LRP1B: variants seen among roughly 807,000 people sequenced by gnomAD.
The protein encoded by LRP1B is low-density lipoprotein receptor-related protein 1B.
In LRP1B, 217 loss-of-function variants were observed where a neutral mutation model predicts 556.6. The ratio of observed to expected loss-of-function variants is 0.39; its 90% CI spans 0.35 to 0.44. The LOEUF (loss-of-function observed/expected upper bound fraction) is 0.44, where lower values mean the gene tolerates loss of function less well. LRP1B is among the 20% of genes least tolerant of loss of function. The pLI is 1.00. For synonymous variants in LRP1B, 2,047 were observed against 1,865.8 expected, an observed-to-expected ratio of 1.10 and a Z score of -2.50; for missense variants, 5,053 against 5,620.8, an observed-to-expected ratio of 0.90 and a Z score of 3.23.
intron 32 of LRP1B, among the ~76,000 whole-genome samples, chr2:140,777,074 G>A (rs1005930803): frequency 1.3e-5 from 2 of 152,042 alleles, no homozygotes; most frequent in Admixed American, 6.6e-5. Context: ...AACATTTAAG[G>A]CAATGCAGTA....
chr2:140,904,690 G>C (rs1045197344), intron 22 of LRP1B, among the ~76,000 whole-genome samples: 3 of 152,032 alleles, frequency 2.0e-5, no homozygotes, highest in African/African-American at 7.2e-5. Flanking sequence ...AAAAAAAATA[G>C]ATTCAGCTCT....
chr2:141,739,122 A>C (rs1307724422), intron 2 of LRP1B, among the ~76,000 whole-genome samples: 2 of 152,150 alleles, frequency 1.3e-5, no homozygotes, highest in African/African-American at 4.8e-5. Flanking sequence ...TGGAGAAAAT[A>C]AAAACCTTAG....
chr2:141,649,902 A>G (rs747646473), intron 2 of LRP1B, among the ~76,000 whole-genome samples: 1 of 152,236 alleles, frequency 6.6e-6, no homozygotes, highest in Non-Finnish European at 1.5e-5. Flanking sequence ...AGTTGGGGCC[A>G]GGAGCAGTGG....
Position 141,397,336 on chromosome 2 carries a change from T to C in LRP1B, c.343+83060A>G, listed in dbSNP as rs372785336. Among the ~76,000 whole-genome samples the C allele has an allele frequency of 5.3e-5, 8 of 151,978 alleles. 1 individual carries two copies. The highest frequency in any genetic ancestry group is 1.9e-4 in the African/African-American group (8 of 41,464). ...TAAAATTATTATATAGTACTGTGTA[T>C]AGTATTTCATTACCTATATTTCCAT... is the stretch of plus-strand genomic sequence containing the variant. On this transcript the variant is annotated intron_variant, in intron 3 of 90. Coordinates refer to ENST00000389484, the MANE Select transcript of LRP1B (RefSeq NM_018557.3).
intron 2 of LRP1B, among the ~76,000 whole-genome samples, chr2:141,500,833 T>C (rs1469403129): frequency 6.6e-6 from 1 of 152,134 alleles, no homozygotes; most frequent in Non-Finnish European, 1.5e-5. Context: ...TTTGGGATGA[T>C]CTAGAGGCAA....
chr2:140,635,162 T>C (rs949867161), intron 41 of LRP1B, among the ~76,000 whole-genome samples: 1 of 152,118 alleles, frequency 6.6e-6, no homozygotes, highest in African/African-American at 2.4e-5. Flanking sequence ...ATTTTGAGAC[T>C]ATAAGCTACT....
chr2:141,257,710 G>A (rs1573720885), intron 3 of LRP1B, among the ~76,000 whole-genome samples: 3 of 152,158 alleles, frequency 2.0e-5, no homozygotes, highest in East Asian at 1.9e-4. Flanking sequence ...GTGATGACAC[G>A]AGATGATTAA....
chr2:141,285,971 G>A (rs1027022693), intron 3 of LRP1B, among the ~76,000 whole-genome samples: 30 of 145,784 alleles, frequency 2.1e-4, no homozygotes, highest in Admixed American at 7.5e-4. Context: ...GGAGGCTGAG[G>A]CAGGAGAATG....
intron 6 of LRP1B, among the ~76,000 whole-genome samples, chr2:141,221,476 A>T (rs1683039204): frequency 6.6e-6 from 1 of 152,096 alleles, no homozygotes; most frequent in Admixed American, 6.6e-5. Flanking sequence ...TTAACACCCC[A>T]CTGTCAATAT....
intron 43 of LRP1B, among the ~76,000 whole-genome samples, chr2:140,557,291 GATTATC>G (rs1356785096): frequency 1.3e-5 from 2 of 151,948 alleles, no homozygotes; most frequent in African/African-American, 2.4e-5. Flanking sequence ...AAAAATTTTG[GATTATC>G]ATTAAGTCTG....
rs747965603 is a variant in LRP1B at position 141,972,070 on chromosome 2, ACAT to A, written c.82+158575_82+158577del. The stretch of plus-strand genomic sequence containing the variant: ...TTTTCCTCATGTTTTGAATGCTGGA[ACAT>A]CATCATTTTGTGTGCATAACTTGAT... On this transcript the variant is annotated intron_variant, in intron 1 of 90. Coordinates refer to ENST00000389484, the MANE Select transcript of LRP1B (RefSeq NM_018557.3). Among the ~76,000 whole-genome samples the A allele has an allele frequency of 3.3e-3, 497 of 151,714 alleles. 3 individuals are homozygous for A. Among genetic ancestry groups the A allele is most frequent in the African/African-American group, 0.011 (458 of 41,500 alleles).
At chr2:140,486,381 C>T (rs1369089913) in intron 58 of LRP1B, among the ~76,000 whole-genome samples, 3 of 151,846 alleles carry the variant, frequency 2.0e-5, no homozygotes, top group Admixed American at 6.6e-5. Flanking sequence ...TACTTAAATG[C>T]AAGACATCTG....
At chr2:141,233,955 C>T (rs1423531655) in intron 5 of LRP1B, among the ~76,000 whole-genome samples, 1 of 151,908 alleles carries the variant, frequency 6.6e-6, no homozygotes, top group African/African-American at 2.4e-5. Context: ...GCAATTATCT[C>T]CACTAAATGA....
intron 43 of LRP1B, among the ~76,000 whole-genome samples, chr2:140,570,732 C>G (rs1390917929): frequency 6.6e-6 from 1 of 151,664 alleles, no homozygotes; most frequent in Non-Finnish European, 1.5e-5. Context: ...AAAGTATAGA[C>G]CCATATCCAT....
chr2:140,849,409 CCAAA>C (rs1559155035), intron 29 of LRP1B, among the ~76,000 whole-genome samples: 2,146 of 31,830 alleles, frequency 0.067, 41 homozygotes, highest in African/African-American at 0.16. Context: ...AAAACAAAAT[CCAAA>C]AAAAAAAAAA....
chr2:140,541,589 T>C (rs560038670), intron 44 of LRP1B, among the ~76,000 whole-genome samples, 190 bp downstream of exon 44: 7 of 152,234 alleles, frequency 4.6e-5, no homozygotes, highest in Admixed American at 3.9e-4. Context: ...AATTTCAATA[T>C]TTTGAACAGC....
intron 10 of LRP1B, among the ~76,000 whole-genome samples, chr2:141,050,173 AATAAT>A (rs1197307150): frequency 2.6e-5 from 4 of 151,972 alleles, no homozygotes; most frequent in African/African-American, 4.8e-5. Flanking sequence ...AGTAAAGTAA[AATAAT>A]ATATTATTAA....
intron 3 of LRP1B, among the ~76,000 whole-genome samples, chr2:141,269,271 G>T (rs1253317359): frequency 6.6e-6 from 1 of 152,050 alleles, no homozygotes; most frequent in Non-Finnish European, 1.5e-5. Flanking sequence ...GATAAAACCA[G>T]ACAGAAAAAA....
chr2:142,014,367 A>T (rs1285019688), intron 1 of LRP1B, among the ~76,000 whole-genome samples: 3 of 152,114 alleles, frequency 2.0e-5, no homozygotes, highest in Non-Finnish European at 4.4e-5. Context: ...TCTAATTAAC[A>T]TCCATTTAGT....
Sources: gnomAD v4.1 joint callset for allele counts (sites outside exome capture counted in the v4.1 genomes callset) on GRCh38, gnomAD v4.1.1 for gene constraint, MANE v1.5 for transcripts, NCBI Gene and HGNC (gene_info 2026-07-23, HGNC 2026-07-21) for gene names.